The following ABLIM2 variants were observed in gnomAD, a reference collection of about 807,000 sequenced individuals.
ABLIM2 encodes the protein actin binding LIM protein family member 2, also known as actin-binding LIM protein 2.
In ABLIM2, 53 loss-of-function variants were observed where a neutral mutation model predicts 97.7. The ratio of observed to expected loss-of-function variants is 0.54; its 90% CI spans 0.44 to 0.68. ABLIM2 has a LOEUF of 0.68. Among genes scored for constraint, ABLIM2 ranks in the 30% least tolerant of loss-of-function variants. ABLIM2 has a pLI of 0.00. For missense variants in ABLIM2, 835 were observed against 867.2 expected (o/e 0.96, Z 0.47); for synonymous variants, 361 against 345.8 (o/e 1.04, Z -0.49).
chr4:8,040,210 C>T (rs207464253), intron 9 of ABLIM2, among the ~76,000 whole-genome samples: 4 of 152,134 alleles, frequency 2.6e-5, no homozygotes, highest in Non-Finnish European at 5.9e-5. Context: ...GCAAAGCACC[C>T]GACGGGGACA....
rs1758229202 is a variant in ABLIM2 at position 8,002,947 on chromosome 4, T to G, written c.1618+5112A>C. 6.6e-6 allele frequency among the ~76,000 whole-genome samples: 1 copy of G among 152,176 alleles called. No individual in the cohort carries two copies. The highest frequency in any genetic ancestry group is 2.1e-4 in the South Asian group (1 of 4,822). On this transcript the variant is annotated intron_variant, in intron 16 of 20. Coordinates refer to ENST00000447017, the MANE Select transcript of ABLIM2 (RefSeq NM_001130083.2). This position sits in a 1 kb window ranked among gnomAD's most constrained non-coding sequence, Gnocchi z 6.1. ...AAAGTGCACCCTTCCCCCAGCCCTC[T>G]CTAGCCCTCTTAGCACAGGGCACTG...
At chr4:8,042,987 C>T (rs1789731812) in intron 9 of ABLIM2, among the ~76,000 whole-genome samples, 1 of 151,930 alleles carries the variant, frequency 6.6e-6, no homozygotes, top group African/African-American at 2.4e-5. Flanking sequence ...CTCATCTCAA[C>T]AAAAAATACA....
At chr4:8,030,920 C>T (rs971912742) in intron 10 of ABLIM2, among the ~76,000 whole-genome samples, 2 of 152,112 alleles carry the variant, frequency 1.3e-5, no homozygotes, top group Non-Finnish European at 2.9e-5. Flanking sequence ...GTTCTTCCAG[C>T]AGAACAGCAC....
chr4:7,978,023 G>T (rs984026113), intron 20 of ABLIM2, among the ~76,000 whole-genome samples: 1 of 152,090 alleles, frequency 6.6e-6, no homozygotes, highest in African/African-American at 2.4e-5. Context: ...CTGGGTGGGG[G>T]AATTCCTTAA....
In ABLIM2 at chr4:8,120,917, C is replaced by T. The variant is rs533659186; in HGVS notation, c.11-14280G>A. The stretch of plus-strand genomic sequence containing the variant: ...ACCGTCTCACGTAAGAGTACTGTAC[C>T]GCAGATTGCTAGCTCAGAGAAAGAT... On this transcript the variant is annotated intron_variant, in intron 1 of 20. Coordinates refer to ENST00000447017, the MANE Select transcript of ABLIM2 (RefSeq NM_001130083.2). This position sits in a 1 kb window ranked among gnomAD's most constrained non-coding sequence, Gnocchi z 5.6. 3.3e-5 allele frequency among the ~76,000 whole-genome samples: 5 copies of T among 152,290 alleles called. No homozygotes were observed. Among genetic ancestry groups the T allele is most frequent in the South Asian group, 4.1e-4 (2 of 4,824 alleles).
chr4:8,066,843 A>T (rs1281333714), intron 6 of ABLIM2: 1 of 152,214 alleles, frequency 6.6e-6, no homozygotes, highest in Non-Finnish European at 1.5e-5. Context: ...GTTGCATGAT[A>T]TTGTGAATGC....
rs1483414043 is a variant in ABLIM2 at position 7,980,941 on chromosome 4, A to ATCTTTTTTT, written c.1824+2322_1824+2323insAAAAAAAGA. Among the ~76,000 whole-genome samples the ATCTTTTTTT allele has an allele frequency of 1.7e-3, 142 of 82,942 alleles. 12 individuals are homozygous for ATCTTTTTTT. The highest frequency in any genetic ancestry group is 1.9e-3 in the Non-Finnish European group (91 of 48,004). 54.4% of individuals were successfully genotyped at this position (82,942 alleles called of 152,430 possible). ...AGAACCATGGTCTCCACAACCCCTT[A>ATCTTTTTTT]TTTTTTTTTTTTTTTTTTTTGAGAT... On this transcript the variant is annotated intron_variant, in intron 20 of 20. Coordinates refer to ENST00000447017, the MANE Select transcript of ABLIM2 (RefSeq NM_001130083.2).
chr4:8,089,718 AG>A (rs1826033368), intron 3 of ABLIM2, among the ~76,000 whole-genome samples: 1 of 124,290 alleles, frequency 8.0e-6, no homozygotes, highest in African/African-American at 3.1e-5. Flanking sequence ...TGGGCCAAAG[AG>A]TGAGATTCAT....
rs1767981097 is a variant in ABLIM2, at chr4:8,015,105, G to C, written c.1423+4513C>G. Among the ~76,000 whole-genome samples the C allele has an allele frequency of 6.6e-6, 1 of 152,008 alleles. No individual in the cohort carries two copies. Among genetic ancestry groups the C allele is most frequent in the Non-Finnish European group, 1.5e-5 (1 of 67,988 alleles). ...TTGGCTAATTTTTATATTGTTAGTG[G>C]AGACGGGGTTTCACCATGTTGGCCA... On this transcript the variant is annotated intron_variant, in intron 14 of 20. Coordinates refer to ENST00000447017, the MANE Select transcript of ABLIM2 (RefSeq NM_001130083.2). This position sits in a 1 kb window ranked among gnomAD's most constrained non-coding sequence, Gnocchi z 4.6.
Position 8,147,786 on chromosome 4 carries a change from T to C in ABLIM2, c.10+10894A>G, listed in dbSNP as rs930799047. ...GCTGGCCTCCAGAGCTGGGAGGAAA[T>C]GCCTTCTCTTGCTTTAAGCCTCCCA... On this transcript the variant is annotated intron_variant, in intron 1 of 20. Transcript: ENST00000447017. This position sits in a 1 kb window ranked among gnomAD's most constrained non-coding sequence, Gnocchi z 5.3. Among the ~76,000 whole-genome samples the C allele has an allele frequency of 6.6e-6, 1 of 152,152 alleles. No individual in the cohort carries two copies. Among genetic ancestry groups the C allele is most frequent in the Non-Finnish European group, 1.5e-5 (1 of 68,028 alleles).
intron 2 of ABLIM2, among the ~76,000 whole-genome samples, chr4:8,101,910 G>A (rs2152712873): frequency 6.6e-6 from 1 of 152,314 alleles, no homozygotes; most frequent in South Asian, 2.1e-4. Flanking sequence ...TAAGGACAGA[G>A]CCAGCTGGAT....
intron 1 of ABLIM2, among the ~76,000 whole-genome samples, chr4:8,154,547 T>A (rs530166871): frequency 2.0e-4 from 30 of 152,352 alleles, no homozygotes; most frequent in African/African-American, 7.2e-4. Flanking sequence ...CCCAAAGTGC[T>A]GGGATTACAG....
At chr4:8,081,017 G>A (rs574731525) in intron 4 of ABLIM2, among the ~76,000 whole-genome samples, 9 of 152,312 alleles carry the variant, frequency 5.9e-5, no homozygotes, top group African/African-American at 2.2e-4. Flanking sequence ...CATGCATTGA[G>A]CACTGACTGC....
intron 14 of ABLIM2, among the ~76,000 whole-genome samples, chr4:8,010,909 T>A (rs1263878110): frequency 6.6e-6 from 1 of 152,182 alleles, no homozygotes; most frequent in Non-Finnish European, 1.5e-5. Context: ...GAAGGCAGGC[T>A]AGGGGCTGCT....
intron 6 of ABLIM2, among the ~76,000 whole-genome samples, chr4:8,074,318 G>C (rs1016611631): frequency 6.6e-6 from 1 of 152,072 alleles, no homozygotes; most frequent in Non-Finnish European, 1.5e-5. Context: ...ATCCAAGCAT[G>C]GTATTGCATG....
At chr4:8,096,055 T>A (rs1831394713) in intron 3 of ABLIM2, among the ~76,000 whole-genome samples, 2 of 152,138 alleles carry the variant, frequency 1.3e-5, no homozygotes, top group Admixed American at 1.3e-4. Context: ...AGTCACTGTC[T>A]CCTGCCTCAG....
chr4:8,157,310 T>C (rs2152968041), intron 1 of ABLIM2, among the ~76,000 whole-genome samples: 1 of 152,296 alleles, frequency 6.6e-6, no homozygotes, highest in South Asian at 2.1e-4. Flanking sequence ...AAAATTACTC[T>C]GTGTGCACCC....
rs1803148194 is a variant in ABLIM2, at chr4:8,061,621, C to T, written c.676-567G>A. Among the ~76,000 whole-genome samples the T allele has an allele frequency of 6.6e-6, 1 of 151,224 alleles. No homozygotes were observed. Among genetic ancestry groups the T allele is most frequent in the Admixed American group, 6.6e-5 (1 of 15,166 alleles). On this transcript the variant is annotated intron_variant, in intron 6 of 20. Transcript: ENST00000447017. This position sits in a 1 kb window ranked among gnomAD's most constrained non-coding sequence, Gnocchi z 4.5. Reference sequence around the variant, plus strand: ...ATACTGAAATAACCCAAACAAACCACATTGCCTGGTTTGGCTTATTTTTGC... The same window carrying T: ...ATACTGAAATAACCCAAACAAACCATATTGCCTGGTTTGGCTTATTTTTGC...
Position 8,149,696 on chromosome 4 carries a change from G to A in ABLIM2, c.10+8984C>T, listed in dbSNP as rs189342035. 3.9e-3 allele frequency among the ~76,000 whole-genome samples: 586 copies of A among 152,104 alleles called. No individual in the cohort carries two copies. Among genetic ancestry groups the A allele is most frequent in the African/African-American group, 0.014 (564 of 41,472 alleles). On this transcript the variant is annotated intron_variant, in intron 1 of 20. Coordinates refer to ENST00000447017, the MANE Select transcript of ABLIM2 (RefSeq NM_001130083.2). The surrounding 1 kb of genome is among the most constrained non-coding windows in gnomAD (Gnocchi z 6.4). ...CATAGTAGGTGCTTAATAAATAGTC[G>A]TGGAGGGACAGAAGGGACATTCTGG...
Sources: gnomAD v4.1 joint callset for allele counts (sites outside exome capture counted in the v4.1 genomes callset) on GRCh38, gnomAD v4.1.1 for gene constraint, Gnocchi (gnomAD v3.1) non-coding constraint, MANE v1.5 for transcripts, NCBI Gene and HGNC (gene_info 2026-07-23, HGNC 2026-07-21) for gene names.